The following KIF27 variants were observed in gnomAD, a reference collection of about 807,000 sequenced individuals.
KIF27 encodes the protein kinesin family member 27.
KIF27 carries 84 observed loss-of-function variants against 141.8 expected under a neutral mutation model. That is an observed-to-expected ratio of 0.59 (90% CI 0.50 to 0.71). The LOEUF (loss-of-function observed/expected upper bound fraction) is 0.71. Ranked by LOEUF, KIF27 falls within the 30% of genes least tolerant of loss-of-function variation. The pLI, the probability that KIF27 is intolerant of heterozygous loss-of-function variation, is 0.00. For synonymous variants in KIF27, 471 were observed against 569.5 expected, an observed-to-expected ratio of 0.83 and a Z score of 2.46; for missense variants, 1,306 against 1,628.4, an observed-to-expected ratio of 0.80 and a Z score of 3.41.
chr9:83,897,149 C>T (rs1256151544), intron 5 of KIF27, among the ~76,000 whole-genome samples: 5 of 151,826 alleles, frequency 3.3e-5, no homozygotes, highest in Non-Finnish European at 2.9e-5. Context: ...TATGGAACAA[C>T]CAAGACATCT....
intron 4 of KIF27, among the ~76,000 whole-genome samples, chr9:83,901,838 A>G (rs866931041): frequency 1.1e-4 from 16 of 151,712 alleles, no homozygotes; most frequent in African/African-American, 3.9e-4. Flanking sequence ...ACACCACCAC[A>G]CTCCAGCCTG....
chr9:83,858,318 A>G (rs747134237), intron 14 of KIF27: 11 of 152,142 alleles, frequency 7.2e-5, no homozygotes, highest in Admixed American at 2.0e-4. Flanking sequence ...AGCCCCTATA[A>G]CTTCCTGTCA....
At chr9:83,867,395 T>C (rs574033244) in intron 13 of KIF27, among the ~76,000 whole-genome samples, 27 of 145,826 alleles carry the variant, frequency 1.9e-4, no homozygotes, top group African/African-American at 5.9e-4. Context: ...TCTATCTATC[T>C]ATCCATCCAT....
At chr9:83,890,699 C>T (rs1050206025) in intron 6 of KIF27, among the ~76,000 whole-genome samples, 2 of 152,176 alleles carry the variant, frequency 1.3e-5, no homozygotes, top group African/African-American at 4.8e-5. Context: ...CAAATCATTT[C>T]CCTTCATAAA....
intron 2 of KIF27, among the ~76,000 whole-genome samples, chr9:83,911,306 C>G (rs181584240): frequency 5.9e-4 from 90 of 152,322 alleles, no homozygotes; most frequent in African/African-American, 2.1e-3. Flanking sequence ...TCTTGGCTCA[C>G]TGCAACCTCC....
chr9:83,901,477 C>T (rs1400683436), intron 4 of KIF27, among the ~76,000 whole-genome samples: 7 of 152,164 alleles, frequency 4.6e-5, no homozygotes, highest in African/African-American at 1.7e-4. Context: ...CATATTGCAA[C>T]AAACTGAATA....
intron 1 of KIF27, among the ~76,000 whole-genome samples, chr9:83,917,466 C>G (rs937184524): frequency 9.2e-5 from 14 of 152,042 alleles, no homozygotes; most frequent in Non-Finnish European, 2.1e-4. Flanking sequence ...CAAGCTGATC[C>G]TAAAATCACA....
chr9:83,850,830 C>CTTTTT (rs202212264), intron 15 of KIF27, among the ~76,000 whole-genome samples: 8 of 67,518 alleles, frequency 1.2e-4, no homozygotes, highest in Non-Finnish European at 2.0e-4. Context: ...ATGACATTTT[C>CTTTTT]TTTTTTTTTT....
intron 13 of KIF27, among the ~76,000 whole-genome samples, chr9:83,860,405 G>A (rs931794172): frequency 2.6e-5 from 4 of 152,106 alleles, no homozygotes; most frequent in African/African-American, 9.7e-5. Context: ...TATTATGGGA[G>A]ATAAGGATTT....
chr9:83,877,532 A>C (rs1282010339), intron 11 of KIF27, among the ~76,000 whole-genome samples: 1 of 152,192 alleles, frequency 6.6e-6, no homozygotes, highest in African/African-American at 2.4e-5. Flanking sequence ...CAATGACCTA[A>C]ATATAAAAGC....
chr9:83,892,288 C>T (rs937666757), intron 5 of KIF27, among the ~76,000 whole-genome samples: 6 of 152,010 alleles, frequency 3.9e-5, no homozygotes, highest in Admixed American at 1.3e-4. Flanking sequence ...AATAAAAATG[C>T]AACCTTACTT....
At chr9:83,901,151 G>C (rs984139732) in intron 4 of KIF27, among the ~76,000 whole-genome samples, 1 of 151,954 alleles carries the variant, frequency 6.6e-6, no homozygotes, top group Non-Finnish European at 1.5e-5. Flanking sequence ...TAGAAACAGG[G>C]GTCTCATTTT....
intron 13 of KIF27, among the ~76,000 whole-genome samples, chr9:83,866,246 CTG>C (rs1049978742): frequency 1.3e-5 from 2 of 151,030 alleles, no homozygotes; most frequent in African/African-American, 2.4e-5. Context: ...CTCTCTAAAA[CTG>C]TTATTTTTAA....
chr9:83,860,491 A>G (rs1363188454), intron 13 of KIF27, among the ~76,000 whole-genome samples: 2 of 152,176 alleles, frequency 1.3e-5, no homozygotes, highest in East Asian at 3.8e-4. Flanking sequence ...TTTTAGTTAA[A>G]TCAATATTCA....
At chr9:83,877,858 T>C (rs1484216378) in intron 11 of KIF27, among the ~76,000 whole-genome samples, 4 of 151,996 alleles carry the variant, frequency 2.6e-5, no homozygotes, top group East Asian at 3.9e-4. Context: ...GAATAGACAT[T>C]TCTCCAAAGA....
intron 4 of KIF27, among the ~76,000 whole-genome samples, chr9:83,901,573 C>T (rs1263023675): frequency 7.2e-5 from 11 of 152,128 alleles, no homozygotes; most frequent in Non-Finnish European, 5.9e-5. Context: ...TCTACTCTTA[C>T]TAAAATTTTT....
chr9:83,843,673 T>C (rs550715746), intron 16 of KIF27, among the ~76,000 whole-genome samples: 1 of 152,318 alleles, frequency 6.6e-6, no homozygotes, highest in East Asian at 1.9e-4. Context: ...ATTAGAAAAT[T>C]CATGAATTGT....
chr9:83,902,583 C>T (rs1485819732), intron 4 of KIF27, among the ~76,000 whole-genome samples: 2 of 152,066 alleles, frequency 1.3e-5, no homozygotes, highest in Admixed American at 6.6e-5. Flanking sequence ...ATACTCCAAA[C>T]ACAAGAGATG....
rs1025209101 is a variant in KIF27 at position 83,915,649 on chromosome 9, A to G, written c.-58T>C. 3.5e-6 allele frequency: 5 copies of G among 1,414,366 alleles called. No individual in the cohort carries two copies. The highest frequency in any genetic ancestry group is 4.8e-6 in the Non-Finnish European group (5 of 1,044,360). The allele number at this position is 1,414,366 out of a possible 1,614,324, so 87.6% of individuals were successfully genotyped here. On this transcript the variant is annotated 5_prime_UTR_variant, in exon 2 of 18. Transcript: ENST00000297814. ...TTTAATGTTCAGTATCTAGTGTGAG[A>G]GACTTCCATCTTATGTAAGATCTGG...
Sources: allele counts gnomAD v4.1 joint callset (sites outside exome capture counted in the v4.1 genomes callset), GRCh38; gene constraint gnomAD v4.1.1; transcripts MANE v1.5; gene names NCBI Gene and HGNC (gene_info 2026-07-23, HGNC 2026-07-21).